TAFA2: variants seen among roughly 807,000 people sequenced by gnomAD.
The protein encoded by TAFA2 is TAFA chemokine like family member 2.
In TAFA2, 7 loss-of-function variants were observed where a neutral mutation model predicts 18.8. The observed-to-expected ratio is 0.37, with a 90% CI of 0.21 to 0.70. The LOEUF is 0.70. Among genes scored for constraint, TAFA2 ranks in the 30% least tolerant of loss-of-function variants. TAFA2 has a pLI of 0.53. For missense variants in TAFA2, 122 were observed against 158.1 expected, an observed-to-expected ratio of 0.77 and a Z score of 1.23; for synonymous variants, 60 against 54.2, an observed-to-expected ratio of 1.11 and a Z score of -0.47.
chr12:61,755,070 A>T, intron 2 of TAFA2, 46 bp from the exon 3 acceptor site: 1 of 1,589,544 alleles, frequency 6.3e-7, no homozygotes, highest in Non-Finnish European at 8.6e-7. Context: ...AGCTTTGGAC[A>T]CTTCCCCCCA....
At chr12:61,959,556 T>C (rs1878812125) in intron 1 of TAFA2, among the ~76,000 whole-genome samples, 1 of 152,080 alleles carries the variant, frequency 6.6e-6, no homozygotes, top group Non-Finnish European at 1.5e-5. Flanking sequence ...TTTTATTCAA[T>C]TATAAATGTC....
Position 62,257,420 on chromosome 12 carries a change from C to G in TAFA2, c.-130+1343G>C, listed in dbSNP as rs144450732. ...ACTTTAGTTTTAAACCTAACTCTCT[C>G]CTGGAGTATTTACATTTGAAGTCCC... On this transcript the variant is annotated intron_variant, in intron 1 of 5. Coordinates refer to the TAFA2 transcript ENST00000551619. Among the ~76,000 whole-genome samples, 440 of 152,154 alleles carry G rather than the reference C, an allele frequency of 2.9e-3. 9 individuals are homozygous for G. The highest frequency in any genetic ancestry group is 7.9e-3 in the East Asian group (41 of 5,184).
intron 4 of TAFA2, among the ~76,000 whole-genome samples, chr12:61,746,970 T>C (rs895467486): frequency 6.6e-6 from 1 of 152,180 alleles, no homozygotes; most frequent in Non-Finnish European, 1.5e-5. Flanking sequence ...CCTACTCATC[T>C]GACAAAGGGC....
intron 1 of TAFA2, among the ~76,000 whole-genome samples, chr12:62,088,170 G>A (rs1868537346): frequency 6.6e-6 from 1 of 152,012 alleles, no homozygotes; most frequent in Non-Finnish European, 1.5e-5. Flanking sequence ...ACTATTAACA[G>A]TATTGTTAAT....
intron 1 of TAFA2, among the ~76,000 whole-genome samples, chr12:62,107,981 C>T (rs1408685779): frequency 3.3e-5 from 5 of 152,170 alleles, no homozygotes; most frequent in African/African-American, 1.2e-4. Flanking sequence ...TAATTCACTT[C>T]CATATAAAAG....
chr12:61,836,280 T>C (rs975100244), intron 2 of TAFA2, among the ~76,000 whole-genome samples: 1 of 151,964 alleles, frequency 6.6e-6, no homozygotes, highest in Non-Finnish European at 1.5e-5. Flanking sequence ...AAAATAGATT[T>C]CTGAAGAGTT....
chr12:61,762,652 C>T (rs369162801), intron 2 of TAFA2, among the ~76,000 whole-genome samples: 5 of 107,326 alleles, frequency 4.7e-5, no homozygotes, highest in Admixed American at 2.1e-4. Context: ...TATATATATA[C>T]ATACACATAC....
At chr12:62,217,326 A>C (rs974025722) in intron 1 of TAFA2, among the ~76,000 whole-genome samples, 6 of 152,208 alleles carry the variant, frequency 3.9e-5, no homozygotes, top group African/African-American at 1.4e-4. Context: ...GTAAAACCAC[A>C]ATGTAAATAC....
rs898067413 is a variant in TAFA2, at chr12:62,149,562, T to G, written c.-2+41697A>C. Among the ~76,000 whole-genome samples the G allele has an allele frequency of 3.4e-5, 5 of 148,284 alleles. No individual in the cohort carries two copies. The East Asian group carries it at 9.7e-4, about 29-fold the overall frequency. On this transcript the variant is annotated intron_variant, in intron 1 of 4. Coordinates refer to ENST00000416284, the MANE Select transcript of TAFA2 (RefSeq NM_178539.5). ...TGAATTTCCTTAAATAGAATATATA[T>G]ATTCTATTTATATATATATACACAT... is the stretch of plus-strand genomic sequence containing the variant.
rs572304571 is a variant in TAFA2, at chr12:62,031,567, T to C, written c.-2+159692A>G. On this transcript the variant is annotated intron_variant, in intron 1 of 4. Transcript: ENST00000416284. The stretch of plus-strand genomic sequence containing the variant: ...TGTCCCTCTAAAGAGCCCTGACTAA[T>C]ACAGTAAGAGCTGAGTTGTCTGTTT... 6.6e-5 allele frequency among the ~76,000 whole-genome samples: 10 copies of C among 152,234 alleles called. No individual in the cohort carries two copies. The East Asian group carries it at 1.5e-3, about 24-fold the overall frequency.
At chr12:61,885,267 T>C (rs1038939889) in intron 1 of TAFA2, among the ~76,000 whole-genome samples, 1 of 152,180 alleles carries the variant, frequency 6.6e-6, no homozygotes, top group South Asian at 2.1e-4. Flanking sequence ...GCAATACTAG[T>C]GGGCATGCTA....
At chr12:62,050,272 A>G (rs1453956282) in intron 1 of TAFA2, among the ~76,000 whole-genome samples, 1 of 152,096 alleles carries the variant, frequency 6.6e-6, no homozygotes, top group African/African-American at 2.4e-5. Context: ...AATAAAAAGG[A>G]ATTAAAATTT....
At position 62,139,789 on chromosome 12, in the gene TAFA2, T is replaced by C. The variant is rs183327784; in HGVS notation, c.-2+51470A>G. 6.3e-4 allele frequency among the ~76,000 whole-genome samples: 96 copies of C among 152,262 alleles called. 2 individuals are homozygous for C. The highest frequency in any genetic ancestry group is 6.2e-3 in the Admixed American group (95 of 15,292). ...TAGAGCTGCAAGGGATCTAGACCAA[T>C]TTCCTCACTATACAGACAAGAAAAT... On this transcript the variant is annotated intron_variant, in intron 1 of 4. Coordinates refer to ENST00000416284, the MANE Select transcript of TAFA2 (RefSeq NM_178539.5).
chr12:62,150,133 T>C (rs2062317463), intron 1 of TAFA2, among the ~76,000 whole-genome samples: 1 of 152,234 alleles, frequency 6.6e-6, no homozygotes, highest in Non-Finnish European at 1.5e-5. Flanking sequence ...AGTTCTTTTC[T>C]AATTCAGCCA....
chr12:61,851,584 G>T (rs1160098934), intron 2 of TAFA2, among the ~76,000 whole-genome samples: 1 of 150,922 alleles, frequency 6.6e-6, no homozygotes, highest in African/African-American at 2.4e-5. Flanking sequence ...AGACCATCCT[G>T]GCTAACACGG....
intron 2 of TAFA2, among the ~76,000 whole-genome samples, chr12:61,834,096 T>A (rs949792478): frequency 3.9e-5 from 6 of 152,082 alleles, no homozygotes; most frequent in African/African-American, 1.2e-4. Context: ...GCTTACATTG[T>A]GTTTATTCCA....
At position 61,851,702 on chromosome 12, in the gene TAFA2, G is replaced by A. The variant is rs1191855025; in HGVS notation, c.106+15618C>T. Among the ~76,000 whole-genome samples, 103 of 137,162 alleles carry A rather than the reference G, an allele frequency of 7.5e-4. 1 individual carries two copies. The highest frequency in any genetic ancestry group is 3.2e-4 in the Admixed American group (4 of 12,674). The allele number at this position is 137,162 out of a possible 152,430, so 90.0% of individuals were successfully genotyped here. ...AGGCAGGAGAATGGCATGAACCTGG[G>A]AGGCGGTGCTTGCAGTGAACCGAGA... On this transcript the variant is annotated intron_variant, in intron 2 of 4. Transcript: ENST00000416284.
rs546906601 is a variant in TAFA2 at position 61,970,344 on chromosome 12, T to C, written c.-1-102918A>G. Among the ~76,000 whole-genome samples the C allele has an allele frequency of 1.2e-4, 18 of 151,692 alleles. No individual in the cohort carries two copies. In the South Asian group the frequency reaches 3.7e-3, roughly 31 times the overall value. On this transcript the variant is annotated intron_variant, in intron 1 of 4. Coordinates refer to ENST00000416284, the MANE Select transcript of TAFA2 (RefSeq NM_178539.5). Reference sequence around the variant, plus strand: ...TAGTAAAATTCATATCTGATTTTTTTGGTTCCCCAAATATTGGACTTGTTA... The same window carrying C: ...TAGTAAAATTCATATCTGATTTTTTCGGTTCCCCAAATATTGGACTTGTTA...
intron 1 of TAFA2, among the ~76,000 whole-genome samples, chr12:62,056,483 A>G (rs1030473733): frequency 6.6e-6 from 1 of 152,208 alleles, no homozygotes. Flanking sequence ...CCAGTCAGTG[A>G]TAGTGTATTG....
Sources: gnomAD v4.1 joint callset for allele counts (sites outside exome capture counted in the v4.1 genomes callset) on GRCh38, gnomAD v4.1.1 for gene constraint, MANE v1.5 for transcripts, NCBI Gene and HGNC (gene_info 2026-07-23, HGNC 2026-07-21) for gene names.